Variants in RBMS2 observed in about 807,000 individuals in gnomAD.
RBMS2 encodes the protein RNA-binding motif, single-stranded-interacting protein 2.
A neutral mutation model predicts 58.4 loss-of-function variants in RBMS2; 38 were observed. The ratio of observed to expected loss-of-function variants is 0.65; its 90% CI spans 0.50 to 0.85. The LOEUF (loss-of-function observed/expected upper bound fraction) is 0.85, where lower values mean the gene tolerates loss of function less well. Among genes scored for constraint, RBMS2 ranks in the 40% least tolerant of loss-of-function variants. RBMS2 has a pLI of 0.00. For synonymous variants in RBMS2, 151 were observed against 180.7 expected (o/e 0.84, Z 1.32); for missense variants, 367 against 503.7 (o/e 0.73, Z 2.60).
chr12:56,581,682 G>A, intron 7 of RBMS2, 151 bp from the exon 8 acceptor site: 2 of 1,166,132 alleles, frequency 1.7e-6, no homozygotes, highest in Non-Finnish European at 2.5e-6. Flanking sequence ...TTTGCGGCCT[G>A]CACAATTAGA....
intron 7 of RBMS2, 127 bp downstream of exon 7, chr12:56,581,635 G>T: frequency 1.7e-6 from 2 of 1,168,908 alleles, no homozygotes; most frequent in Non-Finnish European, 2.5e-6. Context: ...AGAAATGCTG[G>T]CTGTGAACAT....
chr12:56,581,054 C>A, intron 5 of RBMS2, 130 bp from the exon 6 acceptor site: 1 of 787,178 alleles, frequency 1.3e-6, no homozygotes, highest in Non-Finnish European at 2.2e-6. Context: ...GGCAGACACT[C>A]TGTGTTTCTG....
At chr12:56,570,962 A>G (rs1406337628) in intron 4 of RBMS2, among the ~76,000 whole-genome samples, 1 of 152,208 alleles carries the variant, frequency 6.6e-6, no homozygotes, top group Non-Finnish European at 1.5e-5. Flanking sequence ...TGTAATGGTT[A>G]AAGAAAAGGA....
chr12:56,533,232 G>A (rs753166169), intron 1 of RBMS2, among the ~76,000 whole-genome samples: 131 of 151,484 alleles, frequency 8.6e-4, no homozygotes, highest in Non-Finnish European at 1.7e-3. Flanking sequence ...TCCCAAGTAG[G>A]TAGGACTATA....
chr12:56,525,395 T>C (rs1216036106), intron 1 of RBMS2, among the ~76,000 whole-genome samples: 1 of 151,726 alleles, frequency 6.6e-6, no homozygotes, highest in African/African-American at 2.4e-5. Flanking sequence ...CTAAATTTTC[T>C]AATTTTAGTA....
At position 56,589,329 on chromosome 12, in the gene RBMS2, A is replaced by G; in HGVS notation, c.*196A>G. 7.8e-7 allele frequency: 1 copy of G among 1,286,950 alleles called. No individual in the cohort carries two copies. The highest frequency in any genetic ancestry group is 2.9e-5 in the Admixed American group (1 of 34,206). 79.7% of individuals were successfully genotyped at this position (1,286,950 alleles called of 1,614,324 possible). ...ACGTTCCTGCCCTTTACTATTGCTGATGGAGCCTGGGGGAACCATCACTTT... is the reference window on the plus strand; with the variant it reads ...ACGTTCCTGCCCTTTACTATTGCTGGTGGAGCCTGGGGGAACCATCACTTT... On this transcript the variant is annotated 3_prime_UTR_variant, in exon 14 of 14. Coordinates refer to ENST00000262031, the MANE Select transcript of RBMS2 (RefSeq NM_002898.4).
At position 56,577,230 on chromosome 12, in the gene RBMS2, C is replaced by A. The variant is rs995649800; in HGVS notation, c.543-3954C>A. Among the ~76,000 whole-genome samples, 4 of 151,454 alleles carry A rather than the reference C, an allele frequency of 2.6e-5. No homozygotes were observed. The East Asian group carries it at 5.8e-4, about 22-fold the overall frequency. ...ACCAGCCTGGTCAACTCGGTGAAACCCTGTCTCTACTAAAAGTACAAAAAT... is the reference window on the plus strand; with the variant it reads ...ACCAGCCTGGTCAACTCGGTGAAACACTGTCTCTACTAAAAGTACAAAAAT... On this transcript the variant is annotated intron_variant, in intron 5 of 13. Transcript: ENST00000262031.
At chr12:56,522,165 C>T in intron 1 of RBMS2, 76 bp downstream of exon 1, 1 of 1,252,922 alleles carries the variant, frequency 8.0e-7, no homozygotes, top group Non-Finnish European at 1.1e-6. Context: ...TTTTTACATT[C>T]TTTTTAAAGA....
intron 1 of RBMS2, among the ~76,000 whole-genome samples, chr12:56,528,249 C>A (rs1240805827): frequency 1.3e-3 from 170 of 135,520 alleles, no homozygotes; most frequent in Non-Finnish European, 9.9e-4. Context: ...GACCATGTAT[C>A]AAAAAAAAAA....
rs182742853 is a variant in RBMS2 at position 56,593,607 on chromosome 12, C to T, written c.*4474C>T. 2.1e-4 allele frequency: 32 copies of T among 152,456 alleles called. 1 individual carries two copies. Among genetic ancestry groups the T allele is most frequent in the African/African-American group, 4.1e-4 (17 of 41,530 alleles). The allele number at this position is 152,456 out of a possible 1,614,324, so 9.4% of individuals were successfully genotyped here. ...TGTCGCCCAGGCTGGAGTGCAGTGG[C>T]GTGATCTTGGCTCACTGAAACCTCC... On this transcript the variant is annotated 3_prime_UTR_variant, in exon 14 of 14. Coordinates refer to ENST00000262031, the MANE Select transcript of RBMS2 (RefSeq NM_002898.4).
intron 11 of RBMS2, 139 bp from the exon 12 acceptor site, chr12:56,588,155 A>G: frequency 1.5e-6 from 1 of 683,590 alleles, no homozygotes; most frequent in Non-Finnish European, 2.5e-6. Context: ...AAGTGCTTTT[A>G]AGATGCAAAT....
At chr12:56,555,125 A>G (rs949419073) in intron 1 of RBMS2, among the ~76,000 whole-genome samples, 3 of 151,844 alleles carry the variant, frequency 2.0e-5, no homozygotes, top group Non-Finnish European at 4.4e-5. Context: ...CTGGATACCT[A>G]CTTAGTGAGC....
intron 1 of RBMS2, among the ~76,000 whole-genome samples, chr12:56,550,807 A>C (rs1334201531): frequency 1.3e-5 from 2 of 151,124 alleles, no homozygotes; most frequent in African/African-American, 4.9e-5. Context: ...GCGCCATCGC[A>C]CCCTAGCCTG....
At position 56,581,824 on chromosome 12, in the gene RBMS2, T is replaced by C; in HGVS notation, c.733-9T>C. The stretch of plus-strand genomic sequence containing the variant: ...CTCACAATGTGAACACTGTGTTCTT[T>C]CTTTATAGGGCGTCATGGCCTTGAC... On this transcript the variant is annotated splice_polypyrimidine_tract_variant and intron_variant, in intron 7 of 13. Coordinates refer to ENST00000262031, the MANE Select transcript of RBMS2 (RefSeq NM_002898.4). 6.2e-7 allele frequency: 1 copy of C among 1,614,164 alleles called. No individual in the cohort carries two copies. Among genetic ancestry groups the C allele is most frequent in the Non-Finnish European group, 8.5e-7 (1 of 1,179,998 alleles).
chr12:56,549,033 AAGTCTC>A (rs1305326779), intron 1 of RBMS2, among the ~76,000 whole-genome samples: 2 of 152,142 alleles, frequency 1.3e-5, no homozygotes, highest in Admixed American at 6.6e-5. Flanking sequence ...TCTTGAGTCA[AAGTCTC>A]ACTCTGTCAC....
intron 1 of RBMS2, among the ~76,000 whole-genome samples, chr12:56,546,180 C>T (rs1410170593): frequency 4.7e-5 from 7 of 150,476 alleles, no homozygotes; most frequent in Non-Finnish European, 1.0e-4. Flanking sequence ...TGCAGTGGTG[C>T]GATCTCAGCT....
rs1885131726 is a variant in RBMS2, at chr12:56,589,335, C to G, written c.*202C>G. The G allele has an allele frequency of 8.0e-7, 1 of 1,252,534 alleles. No homozygotes were observed. The highest frequency in any genetic ancestry group is 1.5e-5 in the African/African-American group (1 of 64,568). The allele number at this position is 1,252,534 out of a possible 1,614,324, so 77.6% of individuals were successfully genotyped here. A position where few individuals can be genotyped will look rare whatever the true frequency, so the allele number is the denominator to read the frequency against. On this transcript the variant is annotated 3_prime_UTR_variant, in exon 14 of 14. Transcript: ENST00000262031. Reference sequence around the variant, plus strand: ...CTGCCCTTTACTATTGCTGATGGAGCCTGGGGGAACCATCACTTTTTTTGT... The same window carrying G: ...CTGCCCTTTACTATTGCTGATGGAGGCTGGGGGAACCATCACTTTTTTTGT...
intron 4 of RBMS2, 107 bp downstream of exon 4, chr12:56,570,097 A>G: frequency 5.0e-6 from 5 of 998,480 alleles, no homozygotes; most frequent in South Asian, 4.2e-5. Context: ...TTGAGTGGGC[A>G]AGGGCTATCC....
At chr12:56,586,727 T>G in intron 9 of RBMS2, 122 bp from the exon 10 acceptor site, 1 of 781,000 alleles carries the variant, frequency 1.3e-6, no homozygotes, top group Non-Finnish European at 2.1e-6. Flanking sequence ...AAACAGTTTT[T>G]CTTAATGTTT....
Sources: gnomAD v4.1 joint callset for allele counts (sites outside exome capture counted in the v4.1 genomes callset) on GRCh38, gnomAD v4.1.1 for gene constraint, MANE v1.5 for transcripts, NCBI Gene and HGNC (gene_info 2026-07-23, HGNC 2026-07-21) for gene names.